The following RANBP17 variants were observed in gnomAD, a reference collection of about 807,000 sequenced individuals.
RANBP17 encodes RAN binding protein 17.
RANBP17 carries 158 observed loss-of-function variants against 141.2 expected under a neutral mutation model. The observed-to-expected ratio is 1.12, with a 90% CI of 0.98 to 1.28. The LOEUF (loss-of-function observed/expected upper bound fraction) is 1.28. Ranked by LOEUF, RANBP17 falls within the 50% of genes most tolerant of loss-of-function variation. The pLI, the probability that RANBP17 is intolerant of heterozygous loss-of-function variation, is 0.00. For synonymous variants in RANBP17, 430 were observed against 450.0 expected, an observed-to-expected ratio of 0.96 and a Z score of 0.56; for missense variants, 1,438 against 1,290.7, an observed-to-expected ratio of 1.11 and a Z score of -1.75.
At chr5:170,865,666 A>G (rs777005967) in intron 1 of RANBP17, among the ~76,000 whole-genome samples, 14 of 152,220 alleles carry the variant, frequency 9.2e-5, no homozygotes, top group Non-Finnish European at 1.9e-4. Flanking sequence ...ATGACAAATT[A>G]GGTATGTCCC....
chr5:171,276,387 A>G (rs946157030), intron 25 of RANBP17, among the ~76,000 whole-genome samples: 2 of 152,224 alleles, frequency 1.3e-5, no homozygotes, highest in Non-Finnish European at 2.9e-5. Flanking sequence ...GGGAATTATA[A>G]TGTTTTACAA....
At chr5:170,948,882 T>C (rs2127488832) in intron 12 of RANBP17, among the ~76,000 whole-genome samples, 1 of 152,244 alleles carries the variant, frequency 6.6e-6, no homozygotes, top group Non-Finnish European at 1.5e-5. Context: ...CTGGGTGCGG[T>C]GGCTCATGCC....
intron 11 of RANBP17, among the ~76,000 whole-genome samples, chr5:170,920,913 T>A (rs887885613): frequency 6.6e-6 from 1 of 152,256 alleles, no homozygotes; most frequent in Non-Finnish European, 1.5e-5. Context: ...TATCTGTTCA[T>A]ATCCTTTGCC....
In RANBP17 at chr5:171,241,153, A is replaced by G; in HGVS notation, c.2637+11A>G. 1 of 1,598,510 alleles carries G rather than the reference A, an allele frequency of 6.3e-7. No homozygotes were observed. Among genetic ancestry groups the G allele is most frequent in the Non-Finnish European group, 8.6e-7 (1 of 1,166,674 alleles). On this transcript the variant is annotated intron_variant, in intron 23 of 27. Transcript: ENST00000523189. ...CACAGTGACTTGCTAGTAAGCAATC[A>G]TGCATCATGGGAGTGTTTGTATGAA...
intron 14 of RANBP17, among the ~76,000 whole-genome samples, chr5:171,145,860 CAT>C (rs1450628886): frequency 2.6e-5 from 4 of 152,014 alleles, no homozygotes; most frequent in Non-Finnish European, 5.9e-5. Context: ...TAAGGGAAAA[CAT>C]ATTACTTTAA....
intron 8 of RANBP17, among the ~76,000 whole-genome samples, chr5:170,914,819 G>A (rs1320660236): frequency 2.0e-5 from 3 of 152,086 alleles, no homozygotes; most frequent in Middle Eastern, 3.4e-3. Context: ...CCATCTTTGC[G>A]GAGCCTAAAA....
chr5:170,968,492 A>G (rs1776755709), intron 14 of RANBP17, 115 bp downstream of exon 14: 1 of 926,464 alleles, frequency 1.1e-6, no homozygotes, highest in African/African-American at 1.6e-5. Context: ...TTGATTAATG[A>G]ATTGATGAAT....
intron 5 of RANBP17, among the ~76,000 whole-genome samples, chr5:170,901,332 C>T (rs1052603677): frequency 2.6e-5 from 4 of 152,070 alleles, no homozygotes; most frequent in Non-Finnish European, 5.9e-5. Context: ...GAATTGCAAC[C>T]CCTGCATTTT....
At chr5:171,284,008 A>G (rs1768010178) in intron 25 of RANBP17, among the ~76,000 whole-genome samples, 2 of 152,160 alleles carry the variant, frequency 1.3e-5, no homozygotes, top group Non-Finnish European at 2.9e-5. Context: ...TTCTGTTGTG[A>G]AGTACGATAA....
At chr5:171,109,408 A>G (rs1755062707) in intron 14 of RANBP17, among the ~76,000 whole-genome samples, 1 of 152,230 alleles carries the variant, frequency 6.6e-6, no homozygotes, top group Admixed American at 6.5e-5. Context: ...TTTCTAGAAA[A>G]AAGTTGCACT....
intron 21 of RANBP17, among the ~76,000 whole-genome samples, chr5:171,216,459 G>A (rs1763225257): frequency 6.6e-6 from 1 of 152,166 alleles, no homozygotes; most frequent in Non-Finnish European, 1.5e-5. Context: ...GTAGCTTGAT[G>A]GGAATAGCAT....
At chr5:170,893,403 G>C (rs1235284115) in intron 4 of RANBP17, among the ~76,000 whole-genome samples, 1 of 152,100 alleles carries the variant, frequency 6.6e-6, no homozygotes, top group Non-Finnish European at 1.5e-5. Context: ...GCCTTGCTCA[G>C]TATGATTCAG....
At chr5:170,862,529 G>C in intron 1 of RANBP17, among the ~76,000 whole-genome samples, 1 of 152,218 alleles carries the variant, frequency 6.6e-6, no homozygotes, top group Non-Finnish European at 1.5e-5. Context: ...AGCCGGAGCG[G>C]GGGCTTGGGA....
chr5:171,023,650 T>C (rs1781033619), intron 14 of RANBP17, among the ~76,000 whole-genome samples: 1 of 152,194 alleles, frequency 6.6e-6, no homozygotes, highest in Non-Finnish European at 1.5e-5. Flanking sequence ...TTTGTTTTTC[T>C]TTCAGCTATT....
In RANBP17 at chr5:170,924,378, G is replaced by T; in HGVS notation, c.1296G>T (p.Leu432=). The change falls in exon 12 of 28, where the codon CTG becomes CTT. Residue 432 remains leucine (L), a synonymous_variant. Coordinates refer to ENST00000523189, the MANE Select transcript of RANBP17 (RefSeq NM_022897.5). The part of the protein sequence containing the change: ...IVVRDHLDDP[L]DDTATVFQQL... Reference sequence around the variant, plus strand: ...GCAGAGATCACTTAGATGATCCACTGGATGATACTGCCACTGTGTTTCAGC... The same window carrying T: ...GCAGAGATCACTTAGATGATCCACTTGATGATACTGCCACTGTGTTTCAGC... 1 of 1,597,558 alleles carries T rather than the reference G, an allele frequency of 6.3e-7. No individual in the cohort carries two copies. Among genetic ancestry groups the T allele is most frequent in the Non-Finnish European group, 8.6e-7 (1 of 1,166,940 alleles).
chr5:171,107,256 T>C (rs1754911177), intron 14 of RANBP17, among the ~76,000 whole-genome samples: 1 of 152,218 alleles, frequency 6.6e-6, no homozygotes, highest in Non-Finnish European at 1.5e-5. Flanking sequence ...ACTGCTCTTC[T>C]TCTCTGTTGC....
intron 20 of RANBP17, chr5:171,207,072 C>G (rs1581024382): frequency 6.0e-6 from 1 of 166,286 alleles, no homozygotes; most frequent in East Asian, 1.2e-4. Context: ...AGCGATCCTC[C>G]CACCTCAGCC....
At chr5:171,168,604 G>A (rs74811410) in intron 14 of RANBP17, among the ~76,000 whole-genome samples, 9,279 of 152,124 alleles carry the variant, frequency 0.061, 374 homozygotes, top group East Asian at 0.12. Context: ...TTAAAGGTTT[G>A]TGATTATTGA....
intron 12 of RANBP17, among the ~76,000 whole-genome samples, chr5:170,947,089 TGAG>T (rs1411246864): frequency 6.6e-6 from 1 of 152,314 alleles, no homozygotes; most frequent in African/African-American, 2.4e-5. Context: ...CTGTGAATAA[TGAG>T]GATCAACTAT....
Sources: allele counts gnomAD v4.1 joint callset (sites outside exome capture counted in the v4.1 genomes callset), GRCh38; gene constraint gnomAD v4.1.1; transcripts MANE v1.5; gene names NCBI Gene and HGNC (gene_info 2026-07-23, HGNC 2026-07-21).